Variants in RUNX3 observed in about 807,000 individuals in gnomAD.
The protein encoded by RUNX3 is RUNX family transcription factor 3.
A neutral mutation model predicts 27.7 loss-of-function variants in RUNX3; 10 were observed. That is an observed-to-expected ratio of 0.36 (90% CI 0.22 to 0.61). The LOEUF (loss-of-function observed/expected upper bound fraction) is 0.61, where lower values mean the gene tolerates loss of function less well. Ranked by LOEUF, RUNX3 falls within the 20% of genes least tolerant of loss-of-function variation. The pLI is 0.72. For synonymous variants in RUNX3, 270 were observed against 269.2 expected, an observed-to-expected ratio of 1.00 and a Z score of -0.03; for missense variants, 469 against 629.5, an observed-to-expected ratio of 0.75 and a Z score of 2.73.
intron 2 of RUNX3, among the ~76,000 whole-genome samples, chr1:24,941,360 G>A (rs1183635338): frequency 6.6e-6 from 1 of 152,210 alleles, no homozygotes; most frequent in African/African-American, 2.4e-5. Context: ...TGCCAAAGTT[G>A]TGCAGCAACC....
intron 2 of RUNX3, among the ~76,000 whole-genome samples, chr1:24,922,536 A>G (rs1356732443): frequency 2.0e-5 from 3 of 152,104 alleles, no homozygotes; most frequent in Non-Finnish European, 2.9e-5. Context: ...GTTGCTGCAG[A>G]TTGCTCTAAA....
At chr1:24,928,888 G>A (rs1050769340) in intron 1 of RUNX3, 30 of 373,540 alleles carry the variant, frequency 8.0e-5, no homozygotes, top group South Asian at 4.0e-4. Context: ...AGCTGTGAGA[G>A]GTTTAGGGGA....
intron 2 of RUNX3, among the ~76,000 whole-genome samples, chr1:24,947,731 A>G (rs1303944849): frequency 6.6e-6 from 1 of 152,202 alleles, no homozygotes; most frequent in Non-Finnish European, 1.5e-5. Flanking sequence ...CCCACAACCC[A>G]GAGAGCTATG....
chr1:24,925,366 G>A (rs1272395812), intron 2 of RUNX3, among the ~76,000 whole-genome samples: 10 of 134,876 alleles, frequency 7.4e-5, no homozygotes, highest in East Asian at 4.4e-4. Flanking sequence ...GGCTGTCACC[G>A]CTCAAAGGGA....
intron 2 of RUNX3, among the ~76,000 whole-genome samples, chr1:24,949,267 C>T (rs1641696358): frequency 6.6e-6 from 1 of 152,066 alleles, no homozygotes; most frequent in Non-Finnish European, 1.5e-5. Flanking sequence ...GGTTAAATAT[C>T]CCCCTCAGGG....
chr1:24,919,140 C>T (rs1326046993), intron 3 of RUNX3, 100 bp downstream of exon 3: 1 of 683,202 alleles, frequency 1.5e-6, no homozygotes, highest in Non-Finnish European at 2.4e-6. Context: ...AGGACTGCAA[C>T]CCCCCGAGGA....
upstream of RUNX3, among the ~76,000 whole-genome samples, chr1:24,934,777 C>T (rs1191398902): frequency 6.6e-6 from 1 of 152,134 alleles, no homozygotes; most frequent in Non-Finnish European, 1.5e-5. Context: ...CACTCTCCTC[C>T]TAGTGGCTGA....
At chr1:24,938,075 T>C (rs781704414) in intron 2 of RUNX3, among the ~76,000 whole-genome samples, 1 of 152,224 alleles carries the variant, frequency 6.6e-6, no homozygotes, top group Non-Finnish European at 1.5e-5. Context: ...AAATTCTTGA[T>C]GAAAGTTGGG....
chr1:24,929,372 G>A (rs921403863), intron 1 of RUNX3: 5 of 702,288 alleles, frequency 7.1e-6, no homozygotes, highest in Non-Finnish European at 1.3e-5. Flanking sequence ...GTGGAGCGGG[G>A]CAACCCCGTT....
At chr1:24,961,721 A>G (rs1642117635) in intron 2 of RUNX3, 1 of 152,234 alleles carries the variant, frequency 6.6e-6, no homozygotes, top group Non-Finnish European at 1.5e-5. Flanking sequence ...AGAATCCTCC[A>G]CAGCCTGAGG....
chr1:24,901,834 G>C lies in RUNX3; in HGVS notation c.*288C>G, dbSNP rs575071930. 11 of 422,136 alleles carry C rather than the reference G, an allele frequency of 2.6e-5. No individual in the cohort carries two copies. The highest frequency in any genetic ancestry group is 6.3e-4 in the Middle Eastern group (1 of 1,578). The allele number at this position is 422,136 out of a possible 1,614,324, so 26.1% of individuals were successfully genotyped here. On this transcript the variant is annotated 3_prime_UTR_variant, in exon 5 of 5. Coordinates refer to ENST00000308873, the MANE Select transcript of RUNX3 (RefSeq NM_004350.3). ...TAGCTGGAGACAGTGAGGTCCTTCCGGGGGGGTGGCAGGAGGCTGATTCCC... is the reference window on the plus strand; with the variant it reads ...TAGCTGGAGACAGTGAGGTCCTTCCCGGGGGGTGGCAGGAGGCTGATTCCC...
intron 2 of RUNX3, among the ~76,000 whole-genome samples, chr1:24,957,439 C>T (rs1641969416): frequency 6.6e-6 from 1 of 152,208 alleles, no homozygotes; most frequent in African/African-American, 2.4e-5. Flanking sequence ...CACCTGTGAG[C>T]CTGCCCCTGC....
intron 1 of RUNX3, chr1:24,964,727 T>C: frequency 6.8e-7 from 1 of 1,472,324 alleles, no homozygotes; most frequent in Non-Finnish European, 9.0e-7. Flanking sequence ...TGTTTTTGTC[T>C]CTTTTTTCCC....
In RUNX3 at chr1:24,930,049, C is replaced by G. The variant is rs1641186857; in HGVS notation, c.-181G>C. ...ACTACTCGCCAGGGCCCGCCCGCTG[C>G]GAGGCCTCGCTGGCCCGACGGCCGC... On this transcript the variant is annotated 5_prime_UTR_variant, in exon 1 of 5. Coordinates refer to ENST00000308873, the MANE Select transcript of RUNX3 (RefSeq NM_004350.3). The surrounding 1 kb of genome is among the most constrained non-coding windows in gnomAD (Gnocchi z 4.1). 10 of 980,722 alleles carry G rather than the reference C, an allele frequency of 1.0e-5. No homozygotes were observed. The highest frequency in any genetic ancestry group is 6.3e-5 in the Admixed American group (1 of 15,876). 60.8% of individuals were successfully genotyped at this position (980,722 alleles called of 1,614,324 possible).
intron 2 of RUNX3, among the ~76,000 whole-genome samples, chr1:24,937,055 G>A (rs1010981318): frequency 1.3e-5 from 2 of 152,326 alleles, no homozygotes; most frequent in African/African-American, 2.4e-5. Context: ...CTTTTATGCC[G>A]CCTCTGATGT....
At chr1:24,951,204 CAAA>C (rs542137531) in intron 2 of RUNX3, among the ~76,000 whole-genome samples, 2 of 96,454 alleles carry the variant, frequency 2.1e-5, no homozygotes, top group Non-Finnish European at 4.0e-5. Flanking sequence ...GACTCCATCT[CAAA>C]AAAAAAAAAA....
chr1:24,930,449 G>A (rs1284825152), upstream of RUNX3, among the ~76,000 whole-genome samples: 1 of 151,604 alleles, frequency 6.6e-6, no homozygotes, highest in African/African-American at 2.4e-5. The surrounding 1 kb of genome is among the most constrained non-coding windows in gnomAD (Gnocchi z 4.1). Context: ...GGCGGAAGGC[G>A]CCACCCCGCG....
intron 4 of RUNX3, among the ~76,000 whole-genome samples, chr1:24,906,095 A>T (rs1640659694): frequency 6.6e-6 from 1 of 152,220 alleles, no homozygotes; most frequent in African/African-American, 2.4e-5. Context: ...CCCTGGCTGC[A>T]GCACTATGCC....
At chr1:24,925,907 G>C (rs889405586) in intron 2 of RUNX3, among the ~76,000 whole-genome samples, 2 of 152,074 alleles carry the variant, frequency 1.3e-5, no homozygotes, top group South Asian at 2.1e-4. Flanking sequence ...GCCTGGGGAG[G>C]GGGGCTCAAG....
Sources: gnomAD v4.1 joint callset for allele counts (sites outside exome capture counted in the v4.1 genomes callset) on GRCh38, gnomAD v4.1.1 for gene constraint, Gnocchi (gnomAD v3.1) non-coding constraint, MANE v1.5 for transcripts, NCBI Gene and HGNC (gene_info 2026-07-23, HGNC 2026-07-21) for gene names.